Variants in P3H2 observed in about 807,000 individuals in gnomAD.
P3H2 encodes the protein leprecan-like 1.
P3H2 carries 80 observed loss-of-function variants against 87.0 expected under a neutral mutation model. That is an observed-to-expected ratio of 0.92 (90% CI 0.77 to 1.11). The LOEUF (loss-of-function observed/expected upper bound fraction) is 1.11. Ranked by LOEUF, P3H2 falls within the 50% of genes least tolerant of loss-of-function variation. The pLI is 0.00. For missense variants in P3H2, 1,001 were observed against 923.9 expected, an observed-to-expected ratio of 1.08 and a Z score of -1.08; for synonymous variants, 367 against 359.3, an observed-to-expected ratio of 1.02 and a Z score of -0.24.
At chr3:190,073,684 TACGGCAA>T (rs1726779539) in intron 1 of P3H2, among the ~76,000 whole-genome samples, 1 of 152,206 alleles carries the variant, frequency 6.6e-6, no homozygotes, top group South Asian at 2.1e-4. Context: ...AAGGCTCAGT[TACGGCAA>T]ACTGAGTTTC....
At chr3:190,097,752 A>G (rs867517762) in intron 1 of P3H2, among the ~76,000 whole-genome samples, 1 of 152,292 alleles carries the variant, frequency 6.6e-6, no homozygotes, top group Middle Eastern at 3.4e-3. Context: ...TTATCAAACA[A>G]TTCCTACTGG....
chr3:190,081,156 T>A (rs1212888653), intron 1 of P3H2, among the ~76,000 whole-genome samples: 1 of 152,210 alleles, frequency 6.6e-6, no homozygotes, highest in Non-Finnish European at 1.5e-5. Flanking sequence ...TGAATATGTA[T>A]CAATCTGTAA....
rs748436006 is a variant in P3H2, at chr3:189,983,144, C to T, written c.1230-4G>A. The T allele has an allele frequency of 1.2e-6, 2 of 1,611,418 alleles. No homozygotes were observed. Among genetic ancestry groups the T allele is most frequent in the Non-Finnish European group, 1.7e-6 (2 of 1,177,860 alleles). Reference sequence around the variant, plus strand: ...TACGTTCACTCCTGAAGGGACCCTGCCCATTCAAAAAATTTAAAATGGCAA... The same window carrying T: ...TACGTTCACTCCTGAAGGGACCCTGTCCATTCAAAAAATTTAAAATGGCAA... On this transcript the variant is annotated splice_region_variant and splice_polypyrimidine_tract_variant and intron_variant, in intron 7 of 14. Transcript: ENST00000319332.
At chr3:190,013,934 T>TA (rs1724672943) in intron 1 of P3H2, among the ~76,000 whole-genome samples, 1 of 152,150 alleles carries the variant, frequency 6.6e-6, no homozygotes, top group South Asian at 2.1e-4. Context: ...TATTTTTTTT[T>TA]AAGTAGGAAA....
chr3:190,016,810 A>G (rs1265772198), intron 1 of P3H2, among the ~76,000 whole-genome samples: 2 of 152,124 alleles, frequency 1.3e-5, no homozygotes. Context: ...TCTTGCACGC[A>G]TTCAGCAACA....
At chr3:189,982,906 G>T in intron 8 of P3H2, 140 bp downstream of exon 8, 1 of 592,586 alleles carries the variant, frequency 1.7e-6, no homozygotes, top group Non-Finnish European at 3.0e-6. Flanking sequence ...CTTGCTTTCA[G>T]ACTATTAGGG....
intron 1 of P3H2, among the ~76,000 whole-genome samples, chr3:190,057,720 T>C (rs11720495): frequency 0.29 from 44,325 of 152,052 alleles, 6,621 homozygotes; most frequent in Middle Eastern, 0.36. Context: ...GACAGCTTTA[T>C]ATTCATCTAT....
chr3:190,047,344 A>G (rs1052744052), intron 1 of P3H2, among the ~76,000 whole-genome samples: 1 of 152,228 alleles, frequency 6.6e-6, no homozygotes, highest in Non-Finnish European at 1.5e-5. Context: ...AAAAACTAAA[A>G]GTAGAATTAC....
Position 189,957,204 on chromosome 3 carries a change from G to T in P3H2, c.*708C>A, listed in dbSNP as rs1722659781. 2.5e-6 allele frequency: 1 copy of T among 398,842 alleles called. No homozygotes were observed. The highest frequency in any genetic ancestry group is 3.6e-5 in the East Asian group (1 of 28,060). 24.7% of individuals were successfully genotyped at this position (398,842 alleles called of 1,614,324 possible). On this transcript the variant is annotated 3_prime_UTR_variant, in exon 15 of 15. Transcript: ENST00000319332. The stretch of plus-strand genomic sequence containing the variant: ...GAGCCTGGGTGATCATTACGCCCAT[G>T]ATACCTGAGGCAGCGTGGACTCTGC...
intron 1 of P3H2, among the ~76,000 whole-genome samples, chr3:190,025,542 G>A (rs1388715912): frequency 6.6e-6 from 1 of 152,024 alleles, no homozygotes; most frequent in East Asian, 1.9e-4. Context: ...CACCTGTGAG[G>A]GTTATGATGC....
intron 1 of P3H2, among the ~76,000 whole-genome samples, chr3:190,077,601 T>C (rs1271104704): frequency 6.6e-6 from 1 of 152,184 alleles, no homozygotes; most frequent in African/African-American, 2.4e-5. Flanking sequence ...AGTGCCTCTT[T>C]GGTTACCTCA....
At position 189,983,061 on chromosome 3, in the gene P3H2, G is replaced by A. The variant is rs773586841; in HGVS notation, c.1309C>T (p.Arg437Ter). Reference sequence around the variant, plus strand: ...AGCTACTTACCTTCTCTTAGGTCTCGATCTATCTTGGGTGATAGCTTTTTT... The same window carrying A: ...AGCTACTTACCTTCTCTTAGGTCTCAATCTATCTTGGGTGATAGCTTTTTT... ...MGKKLSPKID[R>*]DLREGGPLLY... Residue 437 changes from arginine (R) to a stop codon, truncating the protein, a stop_gained, in exon 8 of 15, where the codon CGA (arginine) becomes TGA (stop). Coordinates refer to ENST00000319332, the MANE Select transcript of P3H2 (RefSeq NM_018192.4). LOFTEE classifies it high-confidence loss of function. 1.5e-5 allele frequency: 25 copies of A among 1,613,142 alleles called. No homozygotes were observed. The highest frequency in any genetic ancestry group is 2.2e-5 in the East Asian group (1 of 44,874).
intron 14 of P3H2, chr3:189,963,533 C>CGTA: frequency 5.0e-6 from 1 of 199,894 alleles, no homozygotes; most frequent in Non-Finnish European, 1.0e-5. Flanking sequence ...CAATTTACGC[C>CGTA]TCCCAGGTTC....
chr3:190,053,345 A>C (rs988520652), intron 1 of P3H2, among the ~76,000 whole-genome samples: 1 of 152,008 alleles, frequency 6.6e-6, no homozygotes, highest in African/African-American at 2.4e-5. Flanking sequence ...GAATTTTAAG[A>C]ATTCTTTATA....
At chr3:190,068,447 T>A (rs1460735487) in intron 1 of P3H2, among the ~76,000 whole-genome samples, 1 of 152,096 alleles carries the variant, frequency 6.6e-6, no homozygotes, top group Non-Finnish European at 1.5e-5. Flanking sequence ...GACACACACA[T>A]ATGTTGGTGG....
intron 1 of P3H2, among the ~76,000 whole-genome samples, chr3:190,089,936 G>C (rs1180674106): frequency 6.6e-6 from 1 of 152,080 alleles, no homozygotes. Context: ...GATGAATGGG[G>C]ACGTTTGTTG....
intron 1 of P3H2, among the ~76,000 whole-genome samples, chr3:190,001,536 T>C (rs1724216956): frequency 6.6e-6 from 1 of 152,226 alleles, no homozygotes; most frequent in Non-Finnish European, 1.5e-5. Flanking sequence ...AATTTCACAA[T>C]ATAGTAACTT....
At position 190,055,672 on chromosome 3, in the gene P3H2, ATG is replaced by A. The variant is rs201131873; in HGVS notation, c.481-60232_481-60231del. Among the ~76,000 whole-genome samples the A allele has an allele frequency of 1.5e-3, 236 of 152,344 alleles. 4 individuals carry two copies. In the East Asian group the frequency reaches 0.034, roughly 22 times the overall value. On this transcript the variant is annotated intron_variant, in intron 1 of 14. Transcript: ENST00000319332. ...CTCTTGAAGGAAGTCAAAGATTATTATGTGGGCCTTGAGGCAAGTACAAACAA... is the reference window on the plus strand; with the variant it reads ...CTCTTGAAGGAAGTCAAAGATTATTATGGGCCTTGAGGCAAGTACAAACAA...
intron 1 of P3H2, among the ~76,000 whole-genome samples, chr3:190,034,463 T>C (rs1725354312): frequency 6.6e-6 from 1 of 152,186 alleles, no homozygotes; most frequent in African/African-American, 2.4e-5. Context: ...GTAAAAAACA[T>C]AGGAAAATAA....
Sources: gnomAD v4.1 joint callset for allele counts (sites outside exome capture counted in the v4.1 genomes callset) on GRCh38, gnomAD v4.1.1 for gene constraint, MANE v1.5 for transcripts, NCBI Gene and HGNC (gene_info 2026-07-23, HGNC 2026-07-21) for gene names.